Variants in PEX5L observed in about 807,000 individuals in gnomAD.
PEX5L encodes the protein PEX5-related protein.
In PEX5L, 30 loss-of-function variants were observed where a neutral mutation model predicts 84.0. The ratio of observed to expected loss-of-function variants is 0.36; its 90% CI spans 0.27 to 0.48. The LOEUF (loss-of-function observed/expected upper bound fraction) is 0.48. Among genes scored for constraint, PEX5L ranks in the 20% least tolerant of loss-of-function variants. The pLI, the probability that PEX5L is intolerant of heterozygous loss-of-function variation, is 0.99. For missense variants in PEX5L, 533 were observed against 754.6 expected (o/e 0.71, Z 3.44); for synonymous variants, 270 against 283.1 (o/e 0.95, Z 0.46).
intron 9 of PEX5L, among the ~76,000 whole-genome samples, chr3:179,818,135 G>C (rs1726872347): frequency 6.6e-6 from 1 of 152,096 alleles, no homozygotes; most frequent in Non-Finnish European, 1.5e-5. Flanking sequence ...TGTAAGAGTA[G>C]ATACTCAATA....
intron 1 of PEX5L, among the ~76,000 whole-genome samples, chr3:179,991,926 C>T (rs1399207353): frequency 1.3e-5 from 2 of 152,106 alleles, no homozygotes; most frequent in Admixed American, 1.3e-4. Flanking sequence ...CAAATCTAGG[C>T]TCATTCCTAG....
intron 2 of PEX5L, among the ~76,000 whole-genome samples, chr3:179,968,982 T>A (rs1415000716): frequency 1.3e-5 from 2 of 151,990 alleles, no homozygotes; most frequent in African/African-American, 4.8e-5. Context: ...GAGAACAAAA[T>A]CCACATACAT....
At chr3:179,947,639 T>C (rs1170289302) in intron 2 of PEX5L, among the ~76,000 whole-genome samples, 2 of 151,960 alleles carry the variant, frequency 1.3e-5, no homozygotes, top group African/African-American at 4.8e-5. Context: ...TAAATAGCAT[T>C]TTTTTAACTT....
At chr3:180,021,987 C>T (rs532769695) in intron 1 of PEX5L, among the ~76,000 whole-genome samples, 34 of 152,158 alleles carry the variant, frequency 2.2e-4, no homozygotes, top group Admixed American at 5.9e-4. Flanking sequence ...AGTAATGCTT[C>T]CTTGATATAA....
Position 179,795,416 on chromosome 3 carries a change from G to T in PEX5L, c.*6412C>A, listed in dbSNP as rs1390378846. ...ATTAAACACATCAATATGATAAGAGGTTATTTTTATGGTAGTAATTTTATT... is the reference window on the plus strand; with the variant it reads ...ATTAAACACATCAATATGATAAGAGTTTATTTTTATGGTAGTAATTTTATT... On this transcript the variant is annotated 3_prime_UTR_variant, in exon 15 of 15. Coordinates refer to ENST00000467460, the MANE Select transcript of PEX5L (RefSeq NM_016559.3). The T allele has an allele frequency of 6.6e-6, 1 of 152,238 alleles. No individual in the cohort carries two copies. The highest frequency in any genetic ancestry group is 6.5e-5 in the Admixed American group (1 of 15,292). The allele number at this position is 152,238 out of a possible 1,614,324, so 9.4% of individuals were successfully genotyped here. A position where few individuals can be genotyped will look rare whatever the true frequency, so the allele number is the denominator to read the frequency against.
At chr3:179,953,792 G>A (rs1422913864) in intron 2 of PEX5L, among the ~76,000 whole-genome samples, 6 of 152,116 alleles carry the variant, frequency 3.9e-5, no homozygotes, top group African/African-American at 7.2e-5. Context: ...CAGCCTCGCC[G>A]ATGGATGAAA....
At chr3:179,982,062 C>T (rs1316494429) in intron 1 of PEX5L, among the ~76,000 whole-genome samples, 1 of 152,092 alleles carries the variant, frequency 6.6e-6, no homozygotes, top group Non-Finnish European at 1.5e-5. Flanking sequence ...GTTTAAAGAA[C>T]TAGTTGATTC....
At position 179,902,366 on chromosome 3, in the gene PEX5L, C is replaced by G. The variant is rs193094148; in HGVS notation, c.94-4120G>C. ...CTGACTGCCATAAATGTCCGTTGTTCATGATCTCGCTCAGATTTGGGGCGG... is the reference window on the plus strand; with the variant it reads ...CTGACTGCCATAAATGTCCGTTGTTGATGATCTCGCTCAGATTTGGGGCGG... On this transcript the variant is annotated intron_variant, in intron 2 of 14. Coordinates refer to ENST00000467460, the MANE Select transcript of PEX5L (RefSeq NM_016559.3). Among the ~76,000 whole-genome samples, 73 of 152,292 alleles carry G rather than the reference C, an allele frequency of 4.8e-4. 1 individual carries two copies. The Middle Eastern group carries it at 0.017, about 35-fold the overall frequency.
chr3:179,800,731 A>C lies in PEX5L; in HGVS notation c.*1097T>G, dbSNP rs1426639598. On this transcript the variant is annotated 3_prime_UTR_variant, in exon 15 of 15. Transcript: ENST00000467460. ...GGGATGAACAGTGCAGATTATTATG[A>C]AACTAAGAAAACATAATTTTTAGGA... 6.6e-6 allele frequency: 1 copy of C among 152,242 alleles called. No homozygotes were observed. Among genetic ancestry groups the C allele is most frequent in the East Asian group, 1.9e-4 (1 of 5,202 alleles). 9.4% of individuals were successfully genotyped at this position (152,242 alleles called of 1,614,324 possible). A position where few individuals can be genotyped will look rare whatever the true frequency, so the allele number is the denominator to read the frequency against.
At chr3:179,996,030 C>T (rs910711131) in intron 1 of PEX5L, among the ~76,000 whole-genome samples, 2 of 152,194 alleles carry the variant, frequency 1.3e-5, no homozygotes, top group African/African-American at 4.8e-5. Flanking sequence ...ATCAGCCTTT[C>T]CACCTTTGTC....
chr3:180,000,044 A>T (rs931176698), intron 1 of PEX5L, among the ~76,000 whole-genome samples: 1 of 152,136 alleles, frequency 6.6e-6, no homozygotes, highest in East Asian at 1.9e-4. Flanking sequence ...CAAGGGATAG[A>T]AGTGGAAGTG....
intron 1 of PEX5L, among the ~76,000 whole-genome samples, chr3:180,026,963 C>A (rs1791012094): frequency 1.3e-5 from 2 of 152,292 alleles, no homozygotes; most frequent in Admixed American, 6.5e-5. Context: ...TATCTTGGAG[C>A]CCCGGTATGA....
At chr3:179,879,072 T>C (rs1251527998) in intron 5 of PEX5L, among the ~76,000 whole-genome samples, 1 of 152,230 alleles carries the variant, frequency 6.6e-6, no homozygotes, top group Non-Finnish European at 1.5e-5. Context: ...GGATAAGCTA[T>C]GAATATGATC....
At position 179,959,808 on chromosome 3, in the gene PEX5L, TCAC is replaced by T. The variant is rs534691011; in HGVS notation, c.93+11783_93+11785del. 2.9e-4 allele frequency among the ~76,000 whole-genome samples: 44 copies of T among 152,270 alleles called. No homozygotes were observed. The South Asian group carries it at 8.9e-3, about 31-fold the overall frequency. On this transcript the variant is annotated intron_variant, in intron 2 of 14. Coordinates refer to ENST00000467460, the MANE Select transcript of PEX5L (RefSeq NM_016559.3). Reference sequence around the variant, plus strand: ...CTGTTTCTCCACTGTTCCTTCTCACTCACCACATGGGAAGAACCACTGTGGCAG... The same window carrying T: ...CTGTTTCTCCACTGTTCCTTCTCACTCACATGGGAAGAACCACTGTGGCAG...
intron 2 of PEX5L, among the ~76,000 whole-genome samples, chr3:179,937,484 T>C (rs1184757512): frequency 6.6e-6 from 1 of 152,210 alleles, no homozygotes; most frequent in Non-Finnish European, 1.5e-5. Context: ...GCAAGCACAC[T>C]TATCATCTTT....
At chr3:179,953,970 T>C (rs1384689341) in intron 2 of PEX5L, among the ~76,000 whole-genome samples, 1 of 152,122 alleles carries the variant, frequency 6.6e-6, no homozygotes, top group African/African-American at 2.4e-5. Context: ...GGCAAACTAT[T>C]TTGCTTCCTT....
intron 5 of PEX5L, among the ~76,000 whole-genome samples, chr3:179,878,989 A>T (rs1027943815): frequency 2.0e-5 from 3 of 152,246 alleles, no homozygotes; most frequent in Non-Finnish European, 4.4e-5. Flanking sequence ...AAATTAATTC[A>T]TGACCATTTA....
intron 7 of PEX5L, among the ~76,000 whole-genome samples, chr3:179,870,238 A>C (rs1235579130): frequency 2.6e-5 from 4 of 152,216 alleles, no homozygotes; most frequent in Non-Finnish European, 4.4e-5. Context: ...TCAAATCATA[A>C]GGCTTTTGTT....
chr3:179,810,277 G>A (rs968244400), intron 11 of PEX5L, among the ~76,000 whole-genome samples: 2 of 151,838 alleles, frequency 1.3e-5, no homozygotes, highest in Non-Finnish European at 2.9e-5. Context: ...AAAATGCTGG[G>A]ATTACAGGTG....
Sources: allele counts gnomAD v4.1 joint callset (sites outside exome capture counted in the v4.1 genomes callset), GRCh38; gene constraint gnomAD v4.1.1; transcripts MANE v1.5; gene names NCBI Gene and HGNC (gene_info 2026-07-23, HGNC 2026-07-21).